The following IPMK variants were observed in gnomAD, a reference collection of about 807,000 sequenced individuals.
IPMK encodes inositol polyphosphate multikinase.
IPMK carries 17 observed loss-of-function variants against 45.8 expected under a neutral mutation model. The ratio of observed to expected loss-of-function variants is 0.37; its 90% confidence interval spans 0.25 to 0.56. The LOEUF is 0.56. Among genes scored for constraint, IPMK ranks in the 20% least tolerant of loss-of-function variants. The pLI is 0.79. For synonymous variants in IPMK, 180 were observed against 184.3 expected (o/e 0.98, Z 0.19); for missense variants, 399 against 498.0 (o/e 0.80, Z 1.89).
At chr10:58,212,918 T>C in intron 4 of IPMK, 1 of 226,640 alleles carries the variant, frequency 4.4e-6, no homozygotes. Flanking sequence ...TTACCCTCTG[T>C]CCTACTGACC....
At chr10:58,231,473 G>A (rs376273725) in intron 2 of IPMK, among the ~76,000 whole-genome samples, 12 of 152,120 alleles carry the variant, frequency 7.9e-5, no homozygotes, top group African/African-American at 2.4e-4. Context: ...GACTAACAGC[G>A]GATCTCTCGG....
chr10:58,242,411 G>A (rs1187160860), intron 1 of IPMK, among the ~76,000 whole-genome samples: 9 of 145,266 alleles, frequency 6.2e-5, no homozygotes, highest in East Asian at 2.0e-4. Flanking sequence ...AGCGAGTCGC[G>A]ATTGTGCCAC....
At chr10:58,203,542 CTG>C (rs148337296) in intron 4 of IPMK, among the ~76,000 whole-genome samples, 16,227 of 152,188 alleles carry the variant, frequency 0.11, 1,049 homozygotes, top group Middle Eastern at 0.18. Flanking sequence ...TCTCAAACTC[CTG>C]AGCTCAAGCG....
chr10:58,262,079 A>G (rs1839078930), intron 1 of IPMK, among the ~76,000 whole-genome samples: 1 of 150,834 alleles, frequency 6.6e-6, no homozygotes, highest in Admixed American at 6.6e-5. Flanking sequence ...AACATCACAC[A>G]CCGGGGCCTG....
At chr10:58,196,810 A>C (rs1837902390) in intron 5 of IPMK, 112 bp from the exon 6 acceptor site, 2 of 737,734 alleles carry the variant, frequency 2.7e-6, no homozygotes, top group East Asian at 2.8e-5. Flanking sequence ...CTTAGAATTA[A>C]GTGAACAGTT....
intron 1 of IPMK, among the ~76,000 whole-genome samples, chr10:58,264,352 A>G (rs2590362): frequency 0.042 from 6,341 of 152,306 alleles, 260 homozygotes; most frequent in African/African-American, 0.1. Context: ...ATATCTAATA[A>G]AAAGAGACTA....
At chr10:58,266,371 C>T (rs2132271155) in intron 1 of IPMK, among the ~76,000 whole-genome samples, 1 of 152,298 alleles carries the variant, frequency 6.6e-6, no homozygotes, top group African/African-American at 2.4e-5. Context: ...TGAGTTGTTT[C>T]AGCAAACACA....
chr10:58,198,154 A>C (rs1837937411), intron 5 of IPMK, among the ~76,000 whole-genome samples: 1 of 152,214 alleles, frequency 6.6e-6, no homozygotes, highest in African/African-American at 2.4e-5. Context: ...ACCAAACCAT[A>C]ACTCTACCAT....
intron 1 of IPMK, among the ~76,000 whole-genome samples, chr10:58,240,123 A>T (rs998243311): frequency 1.3e-5 from 2 of 152,234 alleles, no homozygotes. Flanking sequence ...AGCATGTTAA[A>T]ACAAAAAGTA....
rs1838366625 is a variant in IPMK, at chr10:58,223,361, A to C, written c.373+3682T>G. On this transcript the variant is annotated intron_variant, in intron 3 of 5. Transcript: ENST00000373935. ...GAAAAAGAGGCAAAAAGAGCCCTAC[A>C]GAAAAATCTCGAAAAATCTACAGAT... Among the ~76,000 whole-genome samples the C allele has an allele frequency of 2.0e-5, 3 of 152,184 alleles. 1 individual carries two copies. The South Asian group carries it at 6.2e-4, about 32-fold the overall frequency.
At chr10:58,243,714 G>C (rs558009304) in intron 1 of IPMK, among the ~76,000 whole-genome samples, 1 of 152,258 alleles carries the variant, frequency 6.6e-6, no homozygotes, top group South Asian at 2.1e-4. Flanking sequence ...ATCTCGGCTC[G>C]CTACAACCTC....
rs936074046 is a variant in IPMK, at chr10:58,193,488, T to G, written c.*2588A>C. 6 of 151,986 alleles carry G rather than the reference T, an allele frequency of 3.9e-5. No homozygotes were observed. Among genetic ancestry groups the G allele is most frequent in the Admixed American group, 3.9e-4 (6 of 15,276 alleles). 9.4% of individuals were successfully genotyped at this position (151,986 alleles called of 1,614,324 possible). A position where few individuals can be genotyped will look rare whatever the true frequency, so the allele number is the denominator to read the frequency against. The stretch of plus-strand genomic sequence containing the variant: ...AGATAAAATATTTAGCATTTATCAT[T>G]GATTTTAATTTATTTGAATCTATGC... On this transcript the variant is annotated 3_prime_UTR_variant, in exon 6 of 6. Coordinates refer to ENST00000373935, the MANE Select transcript of IPMK (RefSeq NM_152230.5).
At chr10:58,211,423 C>T (rs1350455515) in intron 4 of IPMK, among the ~76,000 whole-genome samples, 1 of 152,018 alleles carries the variant, frequency 6.6e-6, no homozygotes, top group Non-Finnish European at 1.5e-5. Flanking sequence ...GAACTCCTTA[C>T]CTCAGGTGAT....
At chr10:58,231,103 TAAAG>T (rs1356658829) in intron 2 of IPMK, among the ~76,000 whole-genome samples, 1 of 151,914 alleles carries the variant, frequency 6.6e-6, no homozygotes, top group African/African-American at 2.4e-5. Context: ...ATCAATGAAA[TAAAG>T]CAAGACGACA....
chr10:58,239,710 G>A (rs1838668410), intron 1 of IPMK, among the ~76,000 whole-genome samples: 1 of 152,164 alleles, frequency 6.6e-6, no homozygotes, highest in African/African-American at 2.4e-5. Context: ...TTCTCTAGGT[G>A]AGTGAATTCC....
chr10:58,238,735 A>G (rs190301873), intron 1 of IPMK, among the ~76,000 whole-genome samples: 156 of 152,310 alleles, frequency 1.0e-3, no homozygotes, highest in Non-Finnish European at 1.7e-3. Context: ...AAATTCAATC[A>G]TTGTGCTTAT....
chr10:58,207,730 A>G (rs961099605), intron 4 of IPMK, among the ~76,000 whole-genome samples: 1 of 152,092 alleles, frequency 6.6e-6, no homozygotes, highest in South Asian at 2.1e-4. Context: ...AGGTGCATAT[A>G]TATTTAGGAT....
At chr10:58,247,690 G>A (rs1251902529) in intron 1 of IPMK, among the ~76,000 whole-genome samples, 1 of 152,170 alleles carries the variant, frequency 6.6e-6, no homozygotes, top group South Asian at 2.1e-4. Context: ...AGCATTGGGA[G>A]ATATACCTAA....
At chr10:58,254,088 T>C (rs2790219) in intron 1 of IPMK, among the ~76,000 whole-genome samples, 51,465 of 152,062 alleles carry the variant, frequency 0.34, 10,956 homozygotes, top group African/African-American at 0.61. Flanking sequence ...TCCCTCAGAT[T>C]TTGGAAATTT....
Sources: gnomAD v4.1 joint callset for allele counts (sites outside exome capture counted in the v4.1 genomes callset) on GRCh38, gnomAD v4.1.1 for gene constraint, MANE v1.5 for transcripts, NCBI Gene and HGNC (gene_info 2026-07-23, HGNC 2026-07-21) for gene names.